The following UTS2 variants were observed in gnomAD, a reference collection of about 807,000 sequenced individuals.
The protein encoded by UTS2 is urotensin 2, also known as urotensin-2.
In UTS2, 10 loss-of-function variants were observed where a neutral mutation model predicts 12.6. The observed-to-expected ratio is 0.80, with a 90% confidence interval of 0.49 to 1.35. The LOEUF (loss-of-function observed/expected upper bound fraction) is 1.35, where lower values mean the gene tolerates loss of function less well. Ranked by LOEUF, UTS2 falls within the 40% of genes most tolerant of loss-of-function variation. UTS2 has a pLI of 0.00. For missense variants in UTS2, 142 were observed against 143.2 expected, an observed-to-expected ratio of 0.99 and a Z score of 0.04; for synonymous variants, 52 against 50.0, an observed-to-expected ratio of 1.04 and a Z score of -0.17.
chr1:7,895,065 T>C, the UTS2 span, among the ~76,000 whole-genome samples: 1 of 150,550 alleles, frequency 6.6e-6, no homozygotes, highest in Non-Finnish European at 1.5e-5. Context: ...ATGACTCAAT[T>C]TGTCGGTTAA....
the UTS2 span, among the ~76,000 whole-genome samples, chr1:7,902,763 C>T: frequency 6.6e-6 from 1 of 152,120 alleles, no homozygotes; most frequent in Non-Finnish European, 1.5e-5. Context: ...GGCACGTTAG[C>T]CTTTAACAGA....
At chr1:7,905,030 T>C in the UTS2 span, among the ~76,000 whole-genome samples, 13 of 152,092 alleles carry the variant, frequency 8.5e-5, no homozygotes, top group African/African-American at 2.7e-4. Flanking sequence ...ACCTCTGCGA[T>C]GGTTAATTTC....
the UTS2 span, among the ~76,000 whole-genome samples, chr1:7,878,694 C>T: frequency 6.6e-6 from 1 of 151,236 alleles, no homozygotes; most frequent in African/African-American, 2.4e-5. Context: ...CAAGACCCCA[C>T]CTTTGAAAAA....
upstream of UTS2, among the ~76,000 whole-genome samples, chr1:7,857,851 A>AG (rs1491427759): frequency 1.4e-4 from 4 of 28,462 alleles, no homozygotes; most frequent in African/African-American, 4.6e-4. Context: ...CCCAGTCTCC[A>AG]GAAAAAAAAA....
upstream of UTS2, chr1:7,853,112 C>T: frequency 1.4e-6 from 2 of 1,401,088 alleles, no homozygotes; most frequent in Non-Finnish European, 9.5e-7. Context: ...TATGACCTGA[C>T]ATCATCCTCT....
chr1:7,874,351 C>G, the UTS2 span, among the ~76,000 whole-genome samples: 1 of 152,198 alleles, frequency 6.6e-6, no homozygotes, highest in African/African-American at 2.4e-5. Context: ...ACCTGAGCAG[C>G]TGCAGCACAG....
At chr1:7,875,636 A>G in the UTS2 span, among the ~76,000 whole-genome samples, 19 of 152,150 alleles carry the variant, frequency 1.2e-4, no homozygotes, top group Admixed American at 9.8e-4. Context: ...GACTGTGCAC[A>G]TCATCTGAGG....
chr1:7,886,202 G>A, the UTS2 span, among the ~76,000 whole-genome samples: 1 of 152,100 alleles, frequency 6.6e-6, no homozygotes, highest in Non-Finnish European at 1.5e-5. Flanking sequence ...CAAAACCCCC[G>A]GCTGTCTCCT....
chr1:7,894,750 G>A, the UTS2 span, among the ~76,000 whole-genome samples: 1 of 149,726 alleles, frequency 6.7e-6, no homozygotes, highest in Admixed American at 6.6e-5. Context: ...GGGAGGCTGA[G>A]GCGGGCAGAT....
upstream of UTS2, among the ~76,000 whole-genome samples, chr1:7,856,144 A>T (rs949828891): frequency 6.6e-6 from 1 of 151,942 alleles, no homozygotes; most frequent in African/African-American, 2.4e-5. Context: ...GCACTATTTT[A>T]TGTATTTATC....
chr1:7,886,060 T>C, the UTS2 span, among the ~76,000 whole-genome samples: 36 of 152,208 alleles, frequency 2.4e-4, no homozygotes, highest in African/African-American at 7.9e-4. Context: ...AGGTGTAAGG[T>C]ATCCCAGGTA....
At chr1:7,864,893 C>CG in the UTS2 span, among the ~76,000 whole-genome samples, 1 of 141,506 alleles carries the variant, frequency 7.1e-6, no homozygotes, top group Non-Finnish European at 1.6e-5. Context: ...CCGTCTTCCC[C>CG]ATGTGTCCTC....
chr1:7,871,366 G>C, the UTS2 span, among the ~76,000 whole-genome samples: 1 of 152,072 alleles, frequency 6.6e-6, no homozygotes, highest in African/African-American at 2.4e-5. Context: ...AGAAGCATGG[G>C]GTCATTTACA....
chr1:7,871,276 C>A, the UTS2 span, among the ~76,000 whole-genome samples: 36 of 152,316 alleles, frequency 2.4e-4, 1 homozygote, highest in South Asian at 1.9e-3. Flanking sequence ...CAAGGCCAGC[C>A]GTGAGGGCCA....
the UTS2 span, among the ~76,000 whole-genome samples, chr1:7,909,267 T>C: frequency 1.5e-4 from 23 of 152,200 alleles, no homozygotes; most frequent in Admixed American, 9.8e-4. Flanking sequence ...AAAATATTTT[T>C]TAGTACTGGG....
upstream of UTS2, among the ~76,000 whole-genome samples, chr1:7,854,297 T>C (rs1356750022): frequency 6.6e-6 from 1 of 150,686 alleles, no homozygotes; most frequent in Non-Finnish European, 1.5e-5. Context: ...TGAGCCAAGA[T>C]TGCGCCACAG....
the UTS2 span, among the ~76,000 whole-genome samples, chr1:7,863,067 T>C: frequency 0.017 from 1,691 of 97,266 alleles, 88 homozygotes; most frequent in African/African-American, 0.063. Context: ...TGTATTGTAT[T>C]GTATTGTATT....
chr1:7,849,738 TG>T lies in UTS2; in HGVS notation c.215-56del, dbSNP rs2097411960. Reference sequence around the variant, plus strand: ...AGATCTGTTGTTTCTCTTGTATGCTTGTTTTAAAATATACAAAATAATATTA... The same window carrying T: ...AGATCTGTTGTTTCTCTTGTATGCTTTTTTAAAATATACAAAATAATATTA... On this transcript the variant is annotated intron_variant, in intron 2 of 3. Coordinates refer to ENST00000361696, the MANE Select transcript of UTS2 (RefSeq NM_006786.4). 7.5e-6 allele frequency: 11 copies of T among 1,458,224 alleles called. No individual in the cohort carries two copies. The Middle Eastern group carries it at 7.1e-4, about 95-fold the overall frequency. The allele number at this position is 1,458,224 out of a possible 1,614,324, so 90.3% of individuals were successfully genotyped here.
the UTS2 span, among the ~76,000 whole-genome samples, chr1:7,896,707 T>C: frequency 6.6e-6 from 1 of 152,056 alleles, no homozygotes; most frequent in Non-Finnish European, 1.5e-5. Context: ...AGAAGCTTTT[T>C]TTTTTTAAGA....
Sources: gnomAD v4.1 joint callset for allele counts (sites outside exome capture counted in the v4.1 genomes callset) on GRCh38, gnomAD v4.1.1 for gene constraint, MANE v1.5 for transcripts, NCBI Gene and HGNC (gene_info 2026-07-23, HGNC 2026-07-21) for gene names.